GSC: variants seen among roughly 807,000 people sequenced by gnomAD.
The protein encoded by GSC is goosecoid homeobox, also known as homeobox protein goosecoid.
GSC carries 13 observed loss-of-function variants against 24.5 expected under a neutral mutation model. That is an observed-to-expected ratio of 0.53 (90% CI 0.35 to 0.84). The LOEUF (loss-of-function observed/expected upper bound fraction) is 0.84. GSC is among the 40% of genes least tolerant of loss of function. The pLI is 0.01. For synonymous variants in GSC, 199 were observed against 182.1 expected (o/e 1.09, Z -0.75); for missense variants, 382 against 384.2 (o/e 0.99, Z 0.05).
In GSC at chr14:94,770,042, G is replaced by A. The variant is rs766136510; in HGVS notation, c.-27C>T. 8 of 1,534,742 alleles carry A rather than the reference G, an allele frequency of 5.2e-6. No individual in the cohort carries two copies. In the Admixed American group the frequency reaches 1.6e-4, roughly 30 times the overall value. On this transcript the variant is annotated 5_prime_UTR_variant, in exon 1 of 3. Coordinates refer to ENST00000238558, the MANE Select transcript of GSC (RefSeq NM_173849.3). ...CCCGAGCCCCGCGTCGGGACCGGGG[G>A]GCGGCGGGAACGCGCCGAGGACAGA...
At position 94,769,056 on chromosome 14, in the gene GSC, C is replaced by T; in HGVS notation, c.517G>A (p.Glu173Lys). ...TCCTGGAAGAGGTTCTCGAGAGCTTCGAGCTGCTCGTCAGTGAAGATGGTG... is the reference window on the plus strand; with the variant it reads ...TCCTGGAAGAGGTTCTCGAGAGCTTTGAGCTGCTCGTCAGTGAAGATGGTG... ...HRTIFTDEQL[E>K]ALENLFQETK... Residue 173 changes from glutamate to lysine, a missense_variant, in exon 2 of 3, where the codon GAA (glutamate) becomes AAA (lysine). By Grantham distance (56) the Glu-to-Lys change is moderately conservative. Transcript: ENST00000238558. 6.9e-6 allele frequency: 11 copies of T among 1,594,910 alleles called. No individual in the cohort carries two copies. Among genetic ancestry groups the T allele is most frequent in the Non-Finnish European group, 9.4e-6 (11 of 1,171,506 alleles).
At chr14:94,769,513 AG>A (rs1344440247) in intron 1 of GSC, 147 bp downstream of exon 1, 1 of 1,206,940 alleles carries the variant, frequency 8.3e-7, no homozygotes, top group African/African-American at 1.5e-5. Flanking sequence ...GTTTGCAGCA[AG>A]AAGTTTGCAA....
rs1356744173 is a variant in GSC, at chr14:94,769,705, G to T, written c.311C>A (p.Pro104Gln). Reference protein sequence around the residue: ...PVGPACCGAVPPLGAQQCSCV... With the variant: ...PVGPACCGAVQPLGAQQCSCV... ...GGAGCACTGCTGGGCGCCCAGCGGC[G>T]GCACGGCCCCGCAGCAGGCCGGGCC... Residue 104 changes from proline to glutamine, a missense_variant, in exon 1 of 3, where the codon CCG (proline) becomes CAG (glutamine). By Grantham distance (76) the Pro-to-Gln change is moderately conservative. Transcript: ENST00000238558. 2.1e-6 allele frequency: 3 copies of T among 1,446,114 alleles called. No homozygotes were observed. Among genetic ancestry groups the T allele is most frequent in the East Asian group, 2.9e-5 (1 of 34,466 alleles). The allele number at this position is 1,446,114 out of a possible 1,614,324, so 89.6% of individuals were successfully genotyped here. A position where few individuals can be genotyped will look rare whatever the true frequency, so the allele number is the denominator to read the frequency against.
chr14:94,769,847 A>C lies in GSC; in HGVS notation c.169T>G (p.Phe57Val), dbSNP rs977384716. Reference protein sequence around the residue: ...SGGASSDYGAFYPRPVAPGGA... With the variant: ...SGGASSDYGAVYPRPVAPGGA... Reference sequence around the variant, plus strand: ...CCGGGGGCCACGGGGCGCGGGTAGAAGGCGCCATAGTCCGAGGAGGCGCCG... The same window carrying C: ...CCGGGGGCCACGGGGCGCGGGTAGACGGCGCCATAGTCCGAGGAGGCGCCG... The change falls in exon 1 of 3, where the codon TTC becomes GTC. Residue 57 changes from phenylalanine (F) to valine (V), a missense_variant. Coordinates refer to ENST00000238558, the MANE Select transcript of GSC (RefSeq NM_173849.3). 2.1e-6 allele frequency: 3 copies of C among 1,455,554 alleles called. No individual in the cohort carries two copies. Among genetic ancestry groups the C allele is most frequent in the Non-Finnish European group, 2.7e-6 (3 of 1,114,464 alleles). 90.2% of individuals were successfully genotyped at this position (1,455,554 alleles called of 1,614,324 possible).
intron 1 of GSC, 93 bp from the exon 2 acceptor site, chr14:94,769,310 C>G (rs1885235901): frequency 1.4e-6 from 2 of 1,469,178 alleles, no homozygotes; most frequent in Non-Finnish European, 1.8e-6. Context: ...ACTTAGAAGT[C>G]GTCTGCAAGG....
chr14:94,769,604 GCT>G (rs1316657865), intron 1 of GSC, 55 bp downstream of exon 1: 2 of 1,402,324 alleles, frequency 1.4e-6, no homozygotes, highest in African/African-American at 3.0e-5. Context: ...TAACCAACCG[GCT>G]CCATGGGCTA....
Position 94,769,749 on chromosome 14 carries a change from G to A in GSC, c.267C>T (p.His89=). The A allele has an allele frequency of 1.4e-6, 2 of 1,442,550 alleles. No individual in the cohort carries two copies. Among genetic ancestry groups the A allele is most frequent in the Non-Finnish European group, 1.8e-6 (2 of 1,107,098 alleles). The allele number at this position is 1,442,550 out of a possible 1,614,324, so 89.4% of individuals were successfully genotyped here. The change falls in exon 1 of 3, where the codon CAC becomes CAT. Residue 89 remains histidine, a synonymous_variant. Transcript: ENST00000238558. ...CCGGGCCCACGGGCGCCGCCTGCAC[G>A]TGCAGCTGCCCGTAGAAGTAGTTGT... ...GYNNYFYGQL[H]VQAAPVGPAC... is the part of the protein sequence containing the mutation.
rs867113348 is a variant in GSC at position 94,769,970 on chromosome 14, G to A, written c.46C>T (p.Pro16Ser). ...FSIDNILAAR[P>S]RCKDSVLPVA... is the part of the protein sequence containing the mutation. Reference sequence around the variant, plus strand: ...GGCAACACCGAGTCCTTGCAGCGCGGCCGGGCGGCTAGGATGTTGTCGATG... The same window carrying A: ...GGCAACACCGAGTCCTTGCAGCGCGACCGGGCGGCTAGGATGTTGTCGATG... Residue 16 changes from proline (P) to serine (S), a missense_variant, in exon 1 of 3, where the codon CCG (proline) becomes TCG (serine). Transcript: ENST00000238558. The A allele has an allele frequency of 6.4e-7, 1 of 1,557,282 alleles. No individual in the cohort carries two copies. The highest frequency in any genetic ancestry group is 1.9e-5 in the Admixed American group (1 of 53,930).
intron 2 of GSC, 33 bp from the exon 3 acceptor site, chr14:94,768,682 T>A (rs1490067687): frequency 4.3e-6 from 7 of 1,609,918 alleles, no homozygotes; most frequent in Non-Finnish European, 5.9e-6. Context: ...ACAGTTCAGA[T>A]CAAAGGCGCG....
Position 94,769,801 on chromosome 14 carries a change from G to C in GSC, c.215C>G (p.Ala72Gly). The change falls in exon 1 of 3, where the codon GCG (alanine) becomes GGG (glycine). Residue 72 changes from alanine to glycine, a missense_variant. Coordinates refer to ENST00000238558, the MANE Select transcript of GSC (RefSeq NM_173849.3). ...GTAGCCGAGGCGGGAGCCGCTGACC[G>C]CGGCCGGGAGGCCCGCGCCGCCGGG... The part of the protein sequence containing the change: ...VAPGGAGLPA[A>G]VSGSRLGYNN... The C allele has an allele frequency of 2.1e-6, 3 of 1,416,364 alleles. No individual in the cohort carries two copies. Among genetic ancestry groups the C allele is most frequent in the Non-Finnish European group, 2.7e-6 (3 of 1,096,440 alleles). 87.7% of individuals were successfully genotyped at this position (1,416,364 alleles called of 1,614,324 possible). A position where few individuals can be genotyped will look rare whatever the true frequency, so the allele number is the denominator to read the frequency against.
In GSC at chr14:94,768,410, G is replaced by T; in HGVS notation, c.*81C>A. The T allele has an allele frequency of 1.3e-6, 2 of 1,510,084 alleles. No individual in the cohort carries two copies. The highest frequency in any genetic ancestry group is 9.2e-7 in the Non-Finnish European group (1 of 1,086,204). 93.5% of individuals were successfully genotyped at this position (1,510,084 alleles called of 1,614,324 possible). On this transcript the variant is annotated 3_prime_UTR_variant, in exon 3 of 3. Coordinates refer to ENST00000238558, the MANE Select transcript of GSC (RefSeq NM_173849.3). ...TCTCGACCCCCTCCCGCAAGGCAGCGCGTGTGCAAGAAAGTAGCATCGTCT... is the reference window on the plus strand; with the variant it reads ...TCTCGACCCCCTCCCGCAAGGCAGCTCGTGTGCAAGAAAGTAGCATCGTCT...
rs752107422 is a variant in GSC at position 94,770,058 on chromosome 14, C to G, written c.-43G>C. On this transcript the variant is annotated 5_prime_UTR_variant, in exon 1 of 3. Coordinates refer to ENST00000238558, the MANE Select transcript of GSC (RefSeq NM_173849.3). ...GGACCGGGGGGCGGCGGGAACGCGCCGAGGACAGAGCCTTAAAGTGGGGGG... is the reference window on the plus strand; with the variant it reads ...GGACCGGGGGGCGGCGGGAACGCGCGGAGGACAGAGCCTTAAAGTGGGGGG... The G allele has an allele frequency of 8.6e-6, 13 of 1,517,150 alleles. No homozygotes were observed. The South Asian group carries it at 1.2e-4, about 14-fold the overall frequency. 94.0% of individuals were successfully genotyped at this position (1,517,150 alleles called of 1,614,324 possible). A position where few individuals can be genotyped will look rare whatever the true frequency, so the allele number is the denominator to read the frequency against.
intron 2 of GSC, 129 bp downstream of exon 2, chr14:94,768,829 C>T (rs1885222812): frequency 7.0e-7 from 1 of 1,419,590 alleles, no homozygotes; most frequent in Admixed American, 2.0e-5. Context: ...CGCCCTCCAG[C>T]AGCCTGCGGG....
rs980442733 is a variant in GSC, at chr14:94,768,330, C to T, written c.*161G>A. On this transcript the variant is annotated 3_prime_UTR_variant, in exon 3 of 3. Transcript: ENST00000238558. Reference sequence around the variant, plus strand: ...GCTGCTGGGCTGTGCGCGCCCTGACCCCAGACGCCGACCCTCCCGGCTCTG... The same window carrying T: ...GCTGCTGGGCTGTGCGCGCCCTGACTCCAGACGCCGACCCTCCCGGCTCTG... The T allele has an allele frequency of 5.3e-6, 5 of 941,288 alleles. No individual in the cohort carries two copies. The African/African-American group carries it at 6.5e-5, about 12-fold the overall frequency. The allele number at this position is 941,288 out of a possible 1,614,324, so 58.3% of individuals were successfully genotyped here.
chr14:94,768,626 G>GGC lies in GSC; in HGVS notation c.637_638dup (p.Lys214ProfsTer88). On this transcript the variant is annotated frameshift_variant, in exon 3 of 3. Transcript: ENST00000238558. LOFTEE classifies it high-confidence loss of function. Reference sequence around the variant, plus strand: ...AGGACCGCTTCTGCCGCCTCCATTTGGCGCGGCGGTTCTTAAACCAGACCT... The same window carrying GGC: ...AGGACCGCTTCTGCCGCCTCCATTTGGCGCGCGGCGGTTCTTAAACCAGACCT... 6.2e-7 allele frequency: 1 copy of GGC among 1,613,856 alleles called. No homozygotes were observed. The highest frequency in any genetic ancestry group is 8.5e-7 in the Non-Finnish European group (1 of 1,180,034).
chr14:94,768,424 G>A lies in GSC; in HGVS notation c.*67C>T. ...CGCAAGGCAGCGCGTGTGCAAGAAAGTAGCATCGTCTGTCTGTGCAAGTCC... is the reference window on the plus strand; with the variant it reads ...CGCAAGGCAGCGCGTGTGCAAGAAAATAGCATCGTCTGTCTGTGCAAGTCC... On this transcript the variant is annotated 3_prime_UTR_variant, in exon 3 of 3. Transcript: ENST00000238558. 6.3e-7 allele frequency: 1 copy of A among 1,578,142 alleles called. No homozygotes were observed. The highest frequency in any genetic ancestry group is 2.2e-5 in the East Asian group (1 of 44,668).
Position 94,770,091 on chromosome 14 carries a change from C to T in GSC, c.-76G>A. On this transcript the variant is annotated 5_prime_UTR_variant, in exon 1 of 3. Transcript: ENST00000238558. ...GAGCCTTAAAGTGGGGGGGTCCACT[C>T]TCCTCCAGCCGCCGACCAAACCGAA... The T allele has an allele frequency of 7.4e-7, 1 of 1,346,712 alleles. No homozygotes were observed. Among genetic ancestry groups the T allele is most frequent in the Non-Finnish European group, 1.0e-6 (1 of 1,002,562 alleles). 83.4% of individuals were successfully genotyped at this position (1,346,712 alleles called of 1,614,324 possible).
chr14:94,769,667 G>C lies in GSC; in HGVS notation c.349C>G (p.Pro117Ala), dbSNP rs972380535. 1.3e-5 allele frequency: 19 copies of C among 1,438,452 alleles called. No homozygotes were observed. Among genetic ancestry groups the C allele is most frequent in the Non-Finnish European group, 1.6e-5 (18 of 1,106,340 alleles). The allele number at this position is 1,438,452 out of a possible 1,614,324, so 89.1% of individuals were successfully genotyped here. ...GGAGCGAGCGCGACCCTACCTGGGG[G>C]CGTCGGGACGCAGGAGCACTGCTGG... The part of the protein sequence containing the change: ...GAQQCSCVPT[P>A]PGYEGPGSVL... The change falls in exon 1 of 3, where the codon CCC (proline) becomes GCC (alanine). Residue 117 changes from proline (P) to alanine (A), a missense_variant. Transcript: ENST00000238558.
Position 94,769,977 on chromosome 14 carries a change from G to C in GSC, c.39C>G (p.Ala13=). The C allele has an allele frequency of 6.4e-7, 1 of 1,558,978 alleles. No individual in the cohort carries two copies. Among genetic ancestry groups the C allele is most frequent in the Non-Finnish European group, 8.6e-7 (1 of 1,161,092 alleles). The stretch of plus-strand genomic sequence containing the variant: ...CCGAGTCCTTGCAGCGCGGCCGGGC[G>C]GCTAGGATGTTGTCGATGCTGAACA... ...ASMFSIDNIL[A]ARPRCKDSVL... Residue 13 remains alanine, a synonymous_variant, in exon 1 of 3, where the codon GCC becomes GCG. Coordinates refer to ENST00000238558, the MANE Select transcript of GSC (RefSeq NM_173849.3).
Sources: allele counts gnomAD v4.1 joint callset, GRCh38; gene constraint gnomAD v4.1.1; transcripts MANE v1.5; gene names NCBI Gene and HGNC (gene_info 2026-07-23, HGNC 2026-07-21).